Variants in ZRANB3 observed in about 807,000 individuals in gnomAD.
ZRANB3 encodes the protein DNA annealing helicase and endonuclease ZRANB3.
Under a neutral mutation model 133.8 loss-of-function variants are expected in ZRANB3, and 125 were observed. The ratio of observed to expected loss-of-function variants is 0.93; its 90% CI spans 0.81 to 1.08. ZRANB3 has a LOEUF of 1.08. Among genes scored for constraint, ZRANB3 ranks in the 50% least tolerant of loss-of-function variants. The pLI is 0.00. For missense variants in ZRANB3, 1,229 were observed against 1,275.5 expected (o/e 0.96, Z 0.56); for synonymous variants, 387 against 432.7 (o/e 0.89, Z 1.31).
intron 8 of ZRANB3, among the ~76,000 whole-genome samples, chr2:135,307,731 G>T (rs1312955379): frequency 1.3e-5 from 2 of 152,134 alleles, no homozygotes; most frequent in Non-Finnish European, 2.9e-5. Flanking sequence ...GTTACATCCA[G>T]AATTGAGCAT....
At chr2:135,489,109 A>T (rs535376789) in intron 2 of ZRANB3, among the ~76,000 whole-genome samples, 1 of 152,176 alleles carries the variant, frequency 6.6e-6, no homozygotes, top group East Asian at 1.9e-4. Context: ...TTCTCATTGA[A>T]TGATGAGCAG....
At chr2:135,372,648 G>A (rs1289741423) in intron 3 of ZRANB3, among the ~76,000 whole-genome samples, 1 of 152,070 alleles carries the variant, frequency 6.6e-6, no homozygotes, top group Admixed American at 6.6e-5. Flanking sequence ...TTTGTTGGGC[G>A]TGGTGGTGGG....
chr2:135,254,447 T>TAA (rs199801326), intron 12 of ZRANB3, among the ~76,000 whole-genome samples: 1 of 147,546 alleles, frequency 6.8e-6, no homozygotes, highest in African/African-American at 2.5e-5. Flanking sequence ...ATATAGTCTT[T>TAA]TAAAAAAAAA....
At chr2:135,383,396 G>A (rs575318320) in intron 3 of ZRANB3, among the ~76,000 whole-genome samples, 1 of 152,222 alleles carries the variant, frequency 6.6e-6, no homozygotes, top group Admixed American at 6.5e-5. Context: ...CAATAATAAT[G>A]AGAGACTTTA....
intron 8 of ZRANB3, among the ~76,000 whole-genome samples, chr2:135,304,081 C>G (rs934711292): frequency 6.6e-6 from 1 of 152,050 alleles, no homozygotes; most frequent in Non-Finnish European, 1.5e-5. Flanking sequence ...GATATGTACA[C>G]CTTGTATTTC....
At chr2:135,313,158 T>C (rs1328741777) in intron 8 of ZRANB3, among the ~76,000 whole-genome samples, 1 of 151,960 alleles carries the variant, frequency 6.6e-6, no homozygotes, top group Non-Finnish European at 1.5e-5. Flanking sequence ...ACAGCATTAC[T>C]GTTTACTTTG....
intron 2 of ZRANB3, among the ~76,000 whole-genome samples, chr2:135,490,706 T>C (rs1692332191): frequency 6.6e-6 from 1 of 152,214 alleles, no homozygotes. Flanking sequence ...TGTAGCAATG[T>C]ACTCAATAGC....
intron 2 of ZRANB3, among the ~76,000 whole-genome samples, chr2:135,419,922 A>G (rs1688760385): frequency 6.6e-6 from 1 of 151,240 alleles, no homozygotes; most frequent in African/African-American, 2.4e-5. Flanking sequence ...TCTGTTTGTT[A>G]GGTTTTGTCT....
chr2:135,353,205 T>A (rs547354974), intron 4 of ZRANB3: 39 of 210,500 alleles, frequency 1.9e-4, no homozygotes, highest in African/African-American at 2.8e-4. Context: ...ACTACATATA[T>A]CTTTAAAAGT....
chr2:135,357,345 G>C (rs1361049483), intron 3 of ZRANB3, among the ~76,000 whole-genome samples: 1 of 151,924 alleles, frequency 6.6e-6, no homozygotes, highest in Non-Finnish European at 1.5e-5. Flanking sequence ...ACCCAGGCTG[G>C]AGTGCAGTGG....
chr2:135,514,501 GAC>G (rs878934237), intron 1 of ZRANB3, among the ~76,000 whole-genome samples: 9 of 152,176 alleles, frequency 5.9e-5, no homozygotes, highest in African/African-American at 2.2e-4. Flanking sequence ...TGTATCCTGA[GAC>G]ACTGCTGAAG....
At chr2:135,370,943 A>T (rs1686151134) in intron 3 of ZRANB3, among the ~76,000 whole-genome samples, 1 of 152,012 alleles carries the variant, frequency 6.6e-6, no homozygotes, top group Admixed American at 6.6e-5. Context: ...CCCTGCTTGC[A>T]CTCATTCTCT....
chr2:135,453,021 G>A (rs1690342941), intron 2 of ZRANB3, among the ~76,000 whole-genome samples: 1 of 152,236 alleles, frequency 6.6e-6, no homozygotes, highest in Non-Finnish European at 1.5e-5. Context: ...GCAAACTTTT[G>A]CCTGGGCATG....
chr2:135,383,086 T>A (rs1488032169), intron 3 of ZRANB3, among the ~76,000 whole-genome samples: 1 of 152,030 alleles, frequency 6.6e-6, no homozygotes, highest in Non-Finnish European at 1.5e-5. Context: ...CAGTGTGCTG[T>A]ATTCAGGAAG....
intron 3 of ZRANB3, among the ~76,000 whole-genome samples, chr2:135,382,923 G>A (rs990098815): frequency 9.9e-5 from 15 of 152,260 alleles, no homozygotes; most frequent in South Asian, 4.1e-4. Context: ...TAGGAAGAAA[G>A]TGCATCAACT....
chr2:135,301,101 T>C (rs1307571336), intron 8 of ZRANB3, among the ~76,000 whole-genome samples: 2 of 152,028 alleles, frequency 1.3e-5, no homozygotes, highest in Non-Finnish European at 2.9e-5. Context: ...GCCTTGACCT[T>C]CTGGGCTCAA....
chr2:135,256,978 CAA>C (rs1306072500), intron 12 of ZRANB3, among the ~76,000 whole-genome samples: 2 of 152,140 alleles, frequency 1.3e-5, no homozygotes, highest in Non-Finnish European at 1.5e-5. Flanking sequence ...CCACCAGCAC[CAA>C]AAGAGTTTAC....
intron 3 of ZRANB3, 83 bp from the exon 4 acceptor site, chr2:135,353,711 G>T (rs1371798920): frequency 2.0e-6 from 2 of 1,004,066 alleles, no homozygotes; most frequent in African/African-American, 1.7e-5. Flanking sequence ...TTATTTAAGA[G>T]TATTATTAGC....
intron 2 of ZRANB3, among the ~76,000 whole-genome samples, chr2:135,409,871 T>C (rs1159634325): frequency 6.6e-6 from 1 of 152,166 alleles, no homozygotes; most frequent in Non-Finnish European, 1.5e-5. Flanking sequence ...CAGTCCCATT[T>C]ACAATAGCCA....
Sources: gnomAD v4.1 joint callset for allele counts (sites outside exome capture counted in the v4.1 genomes callset) on GRCh38, gnomAD v4.1.1 for gene constraint, MANE v1.5 for transcripts, NCBI Gene and HGNC (gene_info 2026-07-23, HGNC 2026-07-21) for gene names.